AFDN: variants seen among roughly 807,000 people sequenced by gnomAD.
The protein encoded by AFDN is afadin.
Under a neutral mutation model 216.6 loss-of-function variants are expected in AFDN, and 68 were observed. That is an observed-to-expected ratio of 0.31 (90% CI 0.26 to 0.38). The LOEUF (loss-of-function observed/expected upper bound fraction) is 0.38, where lower values mean the gene tolerates loss of function less well. Among genes scored for constraint, AFDN ranks in the 10% least tolerant of loss-of-function variants. The probability of loss-of-function intolerance (pLI) is 1.00; values close to 1 mark genes in which losing one functional copy is unlikely to be tolerated. For missense variants in AFDN, 2,136 were observed against 2,342.0 expected, an observed-to-expected ratio of 0.91 and a Z score of 1.82; for synonymous variants, 868 against 853.7, an observed-to-expected ratio of 1.02 and a Z score of -0.29.
intron 6 of AFDN, 31 bp downstream of exon 6, chr6:167,880,548 T>G: frequency 6.3e-7 from 1 of 1,597,186 alleles, no homozygotes. Context: ...AGTAGTTCTT[T>G]CTACTTCACA....
At chr6:167,950,412 G>GTGTC (rs1795836665) in intron 29 of AFDN, among the ~76,000 whole-genome samples, 1 of 148,290 alleles carries the variant, frequency 6.7e-6, no homozygotes, top group Admixed American at 6.8e-5. Flanking sequence ...GTGTGTGTGT[G>GTGTC]TGTGTGTGTG....
intron 27 of AFDN, among the ~76,000 whole-genome samples, chr6:167,947,231 GTGCA>G (rs1436571472): frequency 6.6e-6 from 1 of 150,964 alleles, no homozygotes; most frequent in Non-Finnish European, 1.5e-5. Context: ...CTGGAGTGCA[GTGCA>G]GTGGCGCGAT....
intron 30 of AFDN, among the ~76,000 whole-genome samples, chr6:167,955,474 G>A (rs528978503): frequency 5.3e-5 from 8 of 152,044 alleles, no homozygotes; most frequent in African/African-American, 1.7e-4. Context: ...GTGTTTTGAT[G>A]TACATAAGTG....
intron 26 of AFDN, 109 bp from the exon 27 acceptor site, chr6:167,946,598 C>A: frequency 2.2e-6 from 2 of 901,188 alleles, no homozygotes; most frequent in Non-Finnish European, 1.7e-6. Context: ...GAAGAATTGA[C>A]CTTTATCACC....
At chr6:167,948,175 CTT>C (rs1795549763) in intron 28 of AFDN, 116 bp from the exon 29 acceptor site, 1 of 926,588 alleles carries the variant, frequency 1.1e-6, no homozygotes, top group Non-Finnish European at 1.6e-6. Context: ...GGATCAAACA[CTT>C]TTTAATGCAG....
rs1231862687 is a variant in AFDN at position 167,962,962 on chromosome 6, T to C, written c.4968+395T>C. 7.3e-6 allele frequency: 8 copies of C among 1,100,284 alleles called. No individual in the cohort carries two copies. The highest frequency in any genetic ancestry group is 8.9e-6 in the Non-Finnish European group (8 of 899,278). 68.2% of individuals were successfully genotyped at this position (1,100,284 alleles called of 1,614,324 possible). ...TGGACCGTGGGAAGCAGTAGGAGCG[T>C]AGTAAGACAGTTGGCTGCCATTCAA... On this transcript the variant is annotated intron_variant, in intron 31 of 33. Transcript: ENST00000683244. This position sits in a 1 kb window ranked among gnomAD's most constrained non-coding sequence, Gnocchi z 5.2.
Position 167,943,944 on chromosome 6 carries a change from G to A in AFDN, c.3243G>A (p.Ala1081=), listed in dbSNP as rs771980173. The A allele has an allele frequency of 1.3e-5, 21 of 1,613,864 alleles. No individual in the cohort carries two copies. The Admixed American group carries it at 1.8e-4, about 14-fold the overall frequency. The change falls in exon 26 of 34, where the codon GCG becomes GCA. Residue 1081 remains alanine, a synonymous_variant. Transcript: ENST00000683244. The stretch of plus-strand genomic sequence containing the variant: ...ATGTGTAATCTTCTTCTCCTAGGGC[G>A]GCAGAACTCATGACAAGAACAAGCT... ...RSLVGLSQER[A]AELMTRTSSV...
At chr6:167,841,557 A>G (rs936304512) in intron 1 of AFDN, among the ~76,000 whole-genome samples, 1 of 152,186 alleles carries the variant, frequency 6.6e-6, no homozygotes, top group Non-Finnish European at 1.5e-5. Context: ...GTCACCTACT[A>G]AACTTCGTCC....
intron 6 of AFDN, among the ~76,000 whole-genome samples, chr6:167,888,879 A>G (rs1787204510): frequency 1.3e-5 from 2 of 152,170 alleles, no homozygotes; most frequent in African/African-American, 2.4e-5. Flanking sequence ...AGAGATTGAA[A>G]TTTGCAATAG....
At chr6:167,940,004 C>T (rs1794491877) in intron 23 of AFDN, among the ~76,000 whole-genome samples, 2 of 152,136 alleles carry the variant, frequency 1.3e-5, no homozygotes. Context: ...CAGTCTTTGC[C>T]AACTATCCCA....
At chr6:167,827,411 G>A (rs1293093863) in intron 1 of AFDN, among the ~76,000 whole-genome samples, 174 bp downstream of exon 1, 1 of 112,706 alleles carries the variant, frequency 8.9e-6, no homozygotes, top group East Asian at 3.2e-4. Flanking sequence ...GGCGTCCCCC[G>A]CAGCCCCCGT....
chr6:167,960,866 C>T (rs1489341481), intron 30 of AFDN, among the ~76,000 whole-genome samples: 1 of 152,182 alleles, frequency 6.6e-6, no homozygotes, highest in Non-Finnish European at 1.5e-5. Context: ...CCTAACATCC[C>T]TCTTGGGGTA....
intron 29 of AFDN, among the ~76,000 whole-genome samples, chr6:167,949,996 G>A (rs911222860): frequency 2.0e-5 from 3 of 152,186 alleles, no homozygotes; most frequent in Non-Finnish European, 4.4e-5. Flanking sequence ...TCTTAAGGGA[G>A]CAGAGAAGTG....
At chr6:167,966,348 T>C in intron 32 of AFDN, 1 of 1,260,228 alleles carries the variant, frequency 7.9e-7, no homozygotes. Context: ...ACACTTGCCC[T>C]GTAGTATGGT....
chr6:167,836,021 G>A (rs1007648437), intron 1 of AFDN, among the ~76,000 whole-genome samples: 12 of 152,084 alleles, frequency 7.9e-5, no homozygotes, highest in Non-Finnish European at 1.5e-4. Context: ...TTTATTTTAC[G>A]CATTATATAT....
At chr6:167,828,983 A>G (rs918280466) in intron 1 of AFDN, among the ~76,000 whole-genome samples, 1 of 152,108 alleles carries the variant, frequency 6.6e-6, no homozygotes, top group African/African-American at 2.4e-5. Context: ...ACTAGTTTTT[A>G]AAATTGGCCT....
chr6:167,874,569 C>T (rs1785131791), intron 4 of AFDN, among the ~76,000 whole-genome samples: 1 of 149,896 alleles, frequency 6.7e-6, no homozygotes, highest in Non-Finnish European at 1.5e-5. Flanking sequence ...TAAAAAAAAT[C>T]ATTCCATTCA....
Position 167,969,124 on chromosome 6 carries a change from T to G in AFDN, c.5268T>G (p.Ser1756=). The part of the protein sequence containing the change: ...EEDCSLAGPN[S]YPGSTGAAVG... ...TCTTTCATGGAAAAGGACCAAACTC[T>G]TACCCAGGATCTACTGGAGCAGCTG... Residue 1756 remains serine (S), a synonymous_variant, in exon 33 of 34, where the codon TCT becomes TCG. Coordinates refer to ENST00000683244, the MANE Select transcript of AFDN (RefSeq NM_001386888.1). 6.2e-7 allele frequency: 1 copy of G among 1,613,618 alleles called. No homozygotes were observed. Among genetic ancestry groups the G allele is most frequent in the Non-Finnish European group, 8.5e-7 (1 of 1,179,568 alleles).
intron 1 of AFDN, among the ~76,000 whole-genome samples, chr6:167,829,692 G>A (rs896295166): frequency 1.3e-5 from 2 of 151,660 alleles, no homozygotes; most frequent in African/African-American, 2.4e-5. Flanking sequence ...TTTTTTTTGG[G>A]TACAGTGATA....
Sources: gnomAD v4.1 joint callset for allele counts (sites outside exome capture counted in the v4.1 genomes callset) on GRCh38, gnomAD v4.1.1 for gene constraint, Gnocchi (gnomAD v3.1) non-coding constraint, MANE v1.5 for transcripts, NCBI Gene and HGNC (gene_info 2026-07-23, HGNC 2026-07-21) for gene names.